The following COL6A5 variants were observed in gnomAD, a reference collection of about 807,000 sequenced individuals.
COL6A5 encodes collagen alpha-5(VI) chain.
A neutral mutation model predicts 65.6 loss-of-function variants in COL6A5; 48 were observed. The ratio of observed to expected loss-of-function variants is 0.73; its 90% confidence interval spans 0.58 to 0.93. The LOEUF is 0.93. Among genes scored for constraint, COL6A5 ranks in the 40% least tolerant of loss-of-function variants. The pLI is 0.00. For synonymous variants in COL6A5, 291 were observed against 322.8 expected (o/e 0.90, Z 1.05); for missense variants, 914 against 928.3 (o/e 0.98, Z 0.20).
chr3:130,429,312 GT>G (rs1340817918), upstream of COL6A5, among the ~76,000 whole-genome samples: 1 of 152,146 alleles, frequency 6.6e-6, no homozygotes, highest in Non-Finnish European at 1.5e-5. Context: ...AGTGATCAGT[GT>G]TTCAGTTTCA....
intron 29 of COL6A5, among the ~76,000 whole-genome samples, chr3:130,424,328 A>G (rs1368397635): frequency 6.6e-6 from 1 of 152,092 alleles, no homozygotes; most frequent in African/African-American, 2.4e-5. Context: ...AGATTTGGAA[A>G]TATAGGCGCA....
At chr3:130,428,665 G>A (rs540948164), upstream of COL6A5, among the ~76,000 whole-genome samples, 11 of 152,238 alleles carry the variant, frequency 7.2e-5, no homozygotes, top group African/African-American at 1.4e-4. Flanking sequence ...AAGTTAACAC[G>A]TGGAAGTACT....
exon 1 of COL6A5, chr3:130,345,769 G>T (rs906137358): frequency 2.5e-6 from 1 of 398,624 alleles, no homozygotes; most frequent in Non-Finnish European, 4.4e-6. Context: ...CTCAGGGCAC[G>T]AGGCGTTCGC....
intron 24 of COL6A5, among the ~76,000 whole-genome samples, chr3:130,418,468 A>G (rs1384496956): frequency 6.6e-6 from 1 of 151,998 alleles, no homozygotes; most frequent in Non-Finnish European, 1.5e-5. Flanking sequence ...ACCTTATCTC[A>G]CAATATTATA....
exon 8 of COL6A5, chr3:130,395,343 A>G: frequency 1.9e-6 from 3 of 1,550,322 alleles, no homozygotes; most frequent in Non-Finnish European, 2.6e-6. Flanking sequence ...TATAAGGAAC[A>G]TCTCCTGCCA....
chr3:130,401,840 C>G lies in COL6A5; in HGVS notation c.4213C>G (p.Leu1405Val), dbSNP rs1936828520. 1 of 1,551,096 alleles carries G rather than the reference C, an allele frequency of 6.4e-7. No homozygotes were observed. ...TCCAGGACCTCATGGGACCCGAGGACTACAAGCCATGAAGGTGCCACTCAC... is the reference window on the plus strand; with the variant it reads ...TCCAGGACCTCATGGGACCCGAGGAGTACAAGCCATGAAGGTGCCACTCAC... Residue 1405 changes from leucine to valine, a missense_variant and NMD_transcript_variant, in exon 12 of 42, where the codon CTA (leucine) becomes GTA (valine). Leu to Val is a conservative substitution (Grantham distance 32). Coordinates refer to the COL6A5 transcript ENST00000312481.
At chr3:130,440,553 A>C in exon 3 of COL6A5, 1 of 1,613,662 alleles carries the variant, frequency 6.2e-7, no homozygotes, top group Non-Finnish European at 8.5e-7. Flanking sequence ...CTTTTTCCAG[A>C]AACACCCTAT....
rs1291702202 is a variant in COL6A5 at position 130,397,861 on chromosome 3, A to G, written c.3847A>G (p.Asn1283Asp). 6.4e-7 allele frequency: 1 copy of G among 1,551,680 alleles called. No individual in the cohort carries two copies. Among genetic ancestry groups the G allele is most frequent in the East Asian group, 2.4e-5 (1 of 40,918 alleles). The change falls in exon 9 of 42, where the codon AAC becomes GAC. Residue 1283 changes from asparagine (N) to aspartate (D), a missense_variant and NMD_transcript_variant. Asn to Asp is a conservative substitution (Grantham distance 23). Coordinates refer to the COL6A5 transcript ENST00000312481. ...CAACGTCAGTGGGCCAACTCATCTG[A>G]ACGCACAGTTCTTGCGGTCTCTTTG...
rs555072872 is a variant in COL6A5 at position 130,398,996 on chromosome 3, C to T, written c.3991+885C>T. Among the ~76,000 whole-genome samples, 6 of 152,278 alleles carry T rather than the reference C, an allele frequency of 3.9e-5. No individual in the cohort carries two copies. The South Asian group carries it at 6.2e-4, about 16-fold the overall frequency. On this transcript the variant is annotated intron_variant and NMD_transcript_variant, in intron 10 of 41. Transcript: ENST00000312481. The stretch of plus-strand genomic sequence containing the variant: ...TTCTTTTCCATATGAAAGATAGCAA[C>T]GTGGATTTGGAAAAGCACTTCTCGC...
chr3:130,390,698 C>T (rs538376164), intron 6 of COL6A5, among the ~76,000 whole-genome samples: 5 of 152,198 alleles, frequency 3.3e-5, no homozygotes, highest in African/African-American at 9.6e-5. Context: ...TTTGCATACC[C>T]GAGGGTCCAA....
intron 1 of COL6A5, among the ~76,000 whole-genome samples, chr3:130,346,752 G>GT (rs1252631517): frequency 2.6e-5 from 4 of 152,210 alleles, no homozygotes; most frequent in East Asian, 3.9e-4. Context: ...CATTTATTTT[G>GT]TTTTTTGGTA....
chr3:130,369,826 C>A (rs1935483789), intron 1 of COL6A5, among the ~76,000 whole-genome samples: 2 of 152,172 alleles, frequency 1.3e-5, no homozygotes, highest in Admixed American at 6.5e-5. Flanking sequence ...GATGCCCAGC[C>A]CTCAGCATGT....
At chr3:130,414,284 C>CA (rs1317875834) in intron 22 of COL6A5, among the ~76,000 whole-genome samples, 153 bp downstream of exon 22, 1 of 152,108 alleles carries the variant, frequency 6.6e-6, no homozygotes, top group East Asian at 1.9e-4. Context: ...GATTTCATTC[C>CA]ATCAAACTTG....
intron 6 of COL6A5, among the ~76,000 whole-genome samples, chr3:130,470,370 G>C (rs1276084340): frequency 6.6e-6 from 1 of 151,914 alleles, no homozygotes; most frequent in Non-Finnish European, 1.5e-5. Flanking sequence ...TTTCTGGCAT[G>C]CATAAAGCCC....
chr3:130,404,095 G>C (rs1053536807), intron 13 of COL6A5, among the ~76,000 whole-genome samples: 3 of 152,158 alleles, frequency 2.0e-5, no homozygotes, highest in Non-Finnish European at 4.4e-5. Flanking sequence ...CATGGCTTTG[G>C]GCCAAGGCTG....
At chr3:130,372,234 C>A (rs1256855824) in intron 1 of COL6A5, among the ~76,000 whole-genome samples, 20 of 152,024 alleles carry the variant, frequency 1.3e-4, no homozygotes, top group Admixed American at 1.3e-3. Context: ...AATAGTGTGG[C>A]CACTTTGGAA....
chr3:130,378,685 T>A (rs1042770808), intron 3 of COL6A5, among the ~76,000 whole-genome samples: 20 of 152,118 alleles, frequency 1.3e-4, no homozygotes, highest in Admixed American at 1.1e-3. Context: ...CCTCTTGCTG[T>A]TCTATCTGCC....
At chr3:130,448,310 T>G (rs1476861941) in intron 4 of COL6A5, among the ~76,000 whole-genome samples, 1 of 152,254 alleles carries the variant, frequency 6.6e-6, no homozygotes, top group East Asian at 1.9e-4. Flanking sequence ...CCTCTACGAA[T>G]TCCAGTTCTA....
chr3:130,470,563 T>C (rs917993703), intron 6 of COL6A5, among the ~76,000 whole-genome samples: 4 of 151,872 alleles, frequency 2.6e-5, no homozygotes, highest in African/African-American at 9.7e-5. Context: ...TTTTAAAAAA[T>C]AGTCTTCTAG....
Sources: gnomAD v4.1 joint callset for allele counts (sites outside exome capture counted in the v4.1 genomes callset) on GRCh38, gnomAD v4.1.1 for gene constraint, MANE v1.5 for transcripts, NCBI Gene and HGNC (gene_info 2026-07-23, HGNC 2026-07-21) for gene names.